Variants in ERI3 observed in about 807,000 individuals in gnomAD.
The protein encoded by ERI3 is ERI1 exoribonuclease family member 3, also known as ERI1 exoribonuclease 3.
In ERI3, 18 loss-of-function variants were observed where a neutral mutation model predicts 44.4. The ratio of observed to expected loss-of-function variants is 0.41; its 90% CI spans 0.28 to 0.60. The LOEUF is 0.60. ERI3 is among the 20% of genes least tolerant of loss of function. ERI3 has a pLI of 0.36. For missense variants in ERI3, 294 were observed against 435.5 expected, an observed-to-expected ratio of 0.68 and a Z score of 2.89; for synonymous variants, 183 against 164.8, an observed-to-expected ratio of 1.11 and a Z score of -0.84.
At chr1:44,277,947 T>C (rs1429623327) in intron 7 of ERI3, among the ~76,000 whole-genome samples, 1 of 152,198 alleles carries the variant, frequency 6.6e-6, no homozygotes, top group African/African-American at 2.4e-5. Flanking sequence ...AATAGAAATA[T>C]AATGTGAGCC....
chr1:44,243,007 A>G (rs1572094073), intron 8 of ERI3, among the ~76,000 whole-genome samples: 2 of 152,190 alleles, frequency 1.3e-5, no homozygotes, highest in South Asian at 2.1e-4. Flanking sequence ...ATTCTCCCGC[A>G]GTGACACCTC....
intron 7 of ERI3, among the ~76,000 whole-genome samples, chr1:44,282,908 C>A (rs1645318681): frequency 6.6e-6 from 1 of 152,210 alleles, no homozygotes; most frequent in Non-Finnish European, 1.5e-5. Context: ...CCTGCCTTTA[C>A]CCCCACCCTT....
chr1:44,297,865 G>A (rs1285329646), intron 6 of ERI3, among the ~76,000 whole-genome samples: 2 of 152,230 alleles, frequency 1.3e-5, no homozygotes, highest in Admixed American at 6.5e-5. Flanking sequence ...GATAGTGGAA[G>A]GGAAGCACCA....
chr1:44,268,314 C>G (rs1465164977), intron 7 of ERI3, among the ~76,000 whole-genome samples: 1 of 152,084 alleles, frequency 6.6e-6, no homozygotes, highest in Non-Finnish European at 1.5e-5. Context: ...CCAGCCCAGG[C>G]AGAGCACAGG....
rs1211817457 is a variant in ERI3, at chr1:44,310,965, A to ACG, written c.666+2203_666+2204insCG. ...GTATGTGCACATCGCGCGCGCGCGC[A>ACG]CACACACACACACACACACACACAC... On this transcript the variant is annotated intron_variant, in intron 5 of 8. Coordinates refer to ENST00000372257, the MANE Select transcript of ERI3 (RefSeq NM_024066.3). 2.8e-4 allele frequency among the ~76,000 whole-genome samples: 14 copies of ACG among 49,726 alleles called. 1 individual carries two copies. Among genetic ancestry groups the ACG allele is most frequent in the Middle Eastern group, 0.011 (1 of 94 alleles). The allele number at this position is 49,726 out of a possible 152,430, so 32.6% of individuals were successfully genotyped here.
At chr1:44,257,626 C>G (rs1035368394) in intron 7 of ERI3, among the ~76,000 whole-genome samples, 3 of 152,200 alleles carry the variant, frequency 2.0e-5, no homozygotes, top group Non-Finnish European at 4.4e-5. Context: ...TTCAGCAAGG[C>G]CCTCAAAGGT....
In ERI3 at chr1:44,284,869, G is replaced by A. The variant is rs766047284; in HGVS notation, c.797C>T (p.Ala266Val). 3 of 1,613,898 alleles carry A rather than the reference G, an allele frequency of 1.9e-6. No individual in the cohort carries two copies. Among genetic ancestry groups the A allele is most frequent in the South Asian group, 1.1e-5 (1 of 91,080 alleles). ...GQCQYLGLPV[A>V]DYFKQWINLK... ...ATTAATCCACTGCTTGAAGTAATCC[G>A]CCACTGGCAAGCCCAAGTACTGGCA... The change falls in exon 7 of 9, where the codon GCG (alanine) becomes GTG (valine). Residue 266 changes from alanine (A) to valine (V), a missense_variant. Coordinates refer to ENST00000372257, the MANE Select transcript of ERI3 (RefSeq NM_024066.3).
At chr1:44,335,354 C>CAA (rs112554874) in intron 3 of ERI3, among the ~76,000 whole-genome samples, 1,897 of 117,664 alleles carry the variant, frequency 0.016, 43 homozygotes, top group African/African-American at 0.056. Context: ...GACTCTGTCT[C>CAA]AAAAAAAAAA....
At chr1:44,281,630 T>C (rs1439799173) in intron 7 of ERI3, among the ~76,000 whole-genome samples, 1 of 145,494 alleles carries the variant, frequency 6.9e-6, no homozygotes, top group Non-Finnish European at 1.5e-5. Flanking sequence ...AATATATATA[T>C]TCATTTATCG....
intron 7 of ERI3, among the ~76,000 whole-genome samples, chr1:44,249,198 C>T (rs1644621152): frequency 6.6e-6 from 1 of 152,158 alleles, no homozygotes. Flanking sequence ...CCAGGCTGCC[C>T]TTCTACCAGT....
At chr1:44,239,024 T>G (rs1644373132) in intron 8 of ERI3, among the ~76,000 whole-genome samples, 1 of 126,150 alleles carries the variant, frequency 7.9e-6, no homozygotes, top group Non-Finnish European at 1.7e-5. Context: ...TCCCCACTGC[T>G]GCCCCCTCCC....
At chr1:44,346,494 A>G (rs1185230787) in intron 2 of ERI3, among the ~76,000 whole-genome samples, 1 of 152,226 alleles carries the variant, frequency 6.6e-6, no homozygotes, top group Non-Finnish European at 1.5e-5. Flanking sequence ...AAAGTCCTGC[A>G]AGTCAGTTGC....
At chr1:44,247,202 C>G (rs1644572423) in intron 8 of ERI3, among the ~76,000 whole-genome samples, 1 of 152,164 alleles carries the variant, frequency 6.6e-6, no homozygotes, top group Non-Finnish European at 1.5e-5. Context: ...ACATTATACT[C>G]TGAGTCTGAC....
At chr1:44,351,319 C>T (rs1646885863) in intron 2 of ERI3, among the ~76,000 whole-genome samples, 1 of 152,216 alleles carries the variant, frequency 6.6e-6, no homozygotes, top group Non-Finnish European at 1.5e-5. Context: ...CAGGCGTGAG[C>T]CACCATGCCG....
chr1:44,259,875 C>CCAGA (rs1259635160), intron 7 of ERI3, among the ~76,000 whole-genome samples: 55 of 135,956 alleles, frequency 4.0e-4, no homozygotes, highest in Admixed American at 1.2e-3. Context: ...GGAAAACCCT[C>CCAGA]TAGATAGATA....
chr1:44,261,754 A>C (rs1377783172), intron 7 of ERI3, among the ~76,000 whole-genome samples: 1 of 152,158 alleles, frequency 6.6e-6, no homozygotes, highest in Admixed American at 6.5e-5. Context: ...TTTAGGTCAA[A>C]TTCCAGTGAA....
At chr1:44,286,274 G>A (rs1254441201) in intron 6 of ERI3, among the ~76,000 whole-genome samples, 2 of 152,104 alleles carry the variant, frequency 1.3e-5, no homozygotes, top group African/African-American at 2.4e-5. Context: ...TCTTTAGTAC[G>A]CCACTAGAAG....
intron 7 of ERI3, among the ~76,000 whole-genome samples, chr1:44,283,536 A>G (rs929731187): frequency 6.6e-6 from 1 of 152,220 alleles, no homozygotes; most frequent in African/African-American, 2.4e-5. Flanking sequence ...AAGGCAAGCC[A>G]TAGAGCAAGG....
At chr1:44,314,826 T>C (rs1646051863) in intron 4 of ERI3, among the ~76,000 whole-genome samples, 1 of 152,168 alleles carries the variant, frequency 6.6e-6, no homozygotes, top group Non-Finnish European at 1.5e-5. Context: ...ATGTAAAAAC[T>C]CTGCCCTCAT....
Sources: gnomAD v4.1 joint callset for allele counts (sites outside exome capture counted in the v4.1 genomes callset) on GRCh38, gnomAD v4.1.1 for gene constraint, MANE v1.5 for transcripts, NCBI Gene and HGNC (gene_info 2026-07-23, HGNC 2026-07-21) for gene names.